The following LGSN variants were observed in gnomAD, a reference collection of about 807,000 sequenced individuals.
The protein encoded by LGSN is lengsin.
A neutral mutation model predicts 19.5 loss-of-function variants in LGSN; 21 were observed. That is an observed-to-expected ratio of 1.07 (90% CI 0.76 to 1.55). LGSN has a LOEUF of 1.55. Among genes scored for constraint, LGSN ranks in the 40% most tolerant of loss-of-function variants. LGSN has a pLI of 0.00. For synonymous variants in LGSN, 257 were observed against 215.6 expected (o/e 1.19, Z -1.68); for missense variants, 673 against 608.5 (o/e 1.11, Z -1.12).
At chr6:63,444,970 G>A in the LGSN span, among the ~76,000 whole-genome samples, 1 of 152,280 alleles carries the variant, frequency 6.6e-6, no homozygotes, top group Admixed American at 6.5e-5. Context: ...GTCTGGGCAT[G>A]GGTAGCTTCC....
chr6:63,368,629 T>C, the LGSN span, among the ~76,000 whole-genome samples: 1 of 152,218 alleles, frequency 6.6e-6, no homozygotes, highest in African/African-American at 2.4e-5. Context: ...GCAGTGTTCT[T>C]ACTTCCCTCG....
the LGSN span, chr6:63,572,326 C>G: frequency 4.0e-6 from 1 of 250,240 alleles, no homozygotes; most frequent in Non-Finnish European, 7.6e-6. Flanking sequence ...TCAACCGGTT[C>G]ACACCGGCGG....
At chr6:63,572,433 T>G in the LGSN span, 15 of 365,452 alleles carry the variant, frequency 4.1e-5, no homozygotes, top group African/African-American at 1.1e-4. Flanking sequence ...GGCTGGAGGG[T>G]TGCACGTCGC....
chr6:63,573,338 A>G, the LGSN span: 10 of 151,582 alleles, frequency 6.6e-5, no homozygotes, highest in Admixed American at 2.0e-4. Context: ...GGTGGTAACG[A>G]TCTGGTTCCA....
chr6:63,431,559 G>C, the LGSN span, among the ~76,000 whole-genome samples: 1 of 152,086 alleles, frequency 6.6e-6, no homozygotes, highest in Non-Finnish European at 1.5e-5. Context: ...GTATGACCTT[G>C]GCAAATTACT....
At chr6:63,508,738 G>A in the LGSN span, among the ~76,000 whole-genome samples, 3 of 151,792 alleles carry the variant, frequency 2.0e-5, no homozygotes, top group Admixed American at 2.0e-4. Flanking sequence ...CCAACTTGGC[G>A]AAATCCTGCC....
At chr6:63,560,140 C>G in the LGSN span, among the ~76,000 whole-genome samples, 1 of 151,832 alleles carries the variant, frequency 6.6e-6, no homozygotes, top group African/African-American at 2.4e-5. Flanking sequence ...GTGAAAAGTA[C>G]CAGCCTGGCA....
the LGSN span, among the ~76,000 whole-genome samples, chr6:63,546,139 A>G: frequency 6.6e-6 from 1 of 152,242 alleles, no homozygotes; most frequent in East Asian, 1.9e-4. Context: ...TAAAATGTGG[A>G]TAAAGAAAAC....
At chr6:63,360,579 A>G in the LGSN span, among the ~76,000 whole-genome samples, 1 of 151,840 alleles carries the variant, frequency 6.6e-6, no homozygotes, top group Non-Finnish European at 1.5e-5. Flanking sequence ...AAGGTTTTTA[A>G]CTTCTTTGCC....
chr6:63,420,029 C>G, the LGSN span, among the ~76,000 whole-genome samples: 58 of 150,578 alleles, frequency 3.9e-4, no homozygotes, highest in African/African-American at 1.3e-3. Context: ...GGTGAAACCC[C>G]GTCTCTACTA....
the LGSN span, among the ~76,000 whole-genome samples, chr6:63,466,397 C>A: frequency 6.6e-6 from 1 of 152,098 alleles, no homozygotes; most frequent in Non-Finnish European, 1.5e-5. Context: ...GTAGCTAGGA[C>A]TACAGGTGTA....
At chr6:63,374,427 T>G in the LGSN span, among the ~76,000 whole-genome samples, 2 of 152,236 alleles carry the variant, frequency 1.3e-5, no homozygotes, top group African/African-American at 4.8e-5. Flanking sequence ...TACAGCACCT[T>G]TGCCATCTGA....
At chr6:63,305,273 C>T (rs1243510796) in intron 1 of LGSN, among the ~76,000 whole-genome samples, 1 of 152,090 alleles carries the variant, frequency 6.6e-6, no homozygotes, top group African/African-American at 2.4e-5. Flanking sequence ...CATATTCCCA[C>T]CTTACAAAAT....
the LGSN span, among the ~76,000 whole-genome samples, chr6:63,415,034 C>T: frequency 1.3e-5 from 2 of 152,080 alleles, no homozygotes; most frequent in Non-Finnish European, 2.9e-5. Flanking sequence ...TAAAGAACTG[C>T]CCACAGGGCA....
the LGSN span, among the ~76,000 whole-genome samples, chr6:63,336,969 G>A: frequency 2.0e-5 from 3 of 151,028 alleles, no homozygotes; most frequent in African/African-American, 7.3e-5. Flanking sequence ...TGTCACCCAG[G>A]CTGGAGTGCA....
At chr6:63,369,230 G>T in the LGSN span, among the ~76,000 whole-genome samples, 2 of 152,162 alleles carry the variant, frequency 1.3e-5, no homozygotes, top group Admixed American at 1.3e-4. Context: ...ATGTATACTT[G>T]CTACTTTTTG....
At chr6:63,464,836 G>A in the LGSN span, among the ~76,000 whole-genome samples, 2 of 151,740 alleles carry the variant, frequency 1.3e-5, no homozygotes, top group African/African-American at 4.8e-5. Context: ...AGACCAGCCT[G>A]GCCAAAACAG....
the LGSN span, among the ~76,000 whole-genome samples, chr6:63,468,556 T>C: frequency 4.6e-5 from 7 of 151,744 alleles, no homozygotes; most frequent in Non-Finnish European, 8.8e-5. Flanking sequence ...GCCTCCCAAG[T>C]AGCTGGGATT....
At chr6:63,474,370 A>T in the LGSN span, among the ~76,000 whole-genome samples, 1 of 152,186 alleles carries the variant, frequency 6.6e-6, no homozygotes, top group Non-Finnish European at 1.5e-5. Flanking sequence ...GCACATTGGG[A>T]GGCCAAGGTG....
Sources: allele counts gnomAD v4.1 joint callset (sites outside exome capture counted in the v4.1 genomes callset), GRCh38; gene constraint gnomAD v4.1.1; transcripts MANE v1.5; gene names NCBI Gene and HGNC (gene_info 2026-07-23, HGNC 2026-07-21).